Variants in GINS1 observed in about 807,000 individuals in gnomAD.
GINS1 encodes the protein DNA replication complex GINS protein PSF1.
GINS1 carries 26 observed loss-of-function variants against 34.9 expected under a neutral mutation model. The ratio of observed to expected loss-of-function variants is 0.74; its 90% CI spans 0.55 to 1.03. The LOEUF is 1.03. Among genes scored for constraint, GINS1 ranks in the 50% least tolerant of loss-of-function variants. GINS1 has a pLI of 0.00. For synonymous variants in GINS1, 97 were observed against 84.4 expected, an observed-to-expected ratio of 1.15 and a Z score of -0.82; for missense variants, 235 against 237.9, an observed-to-expected ratio of 0.99 and a Z score of 0.08.
Position 25,425,236 on chromosome 20 carries a change from G to T in GINS1, c.356G>T (p.Arg119Ile). 1.3e-6 allele frequency: 2 copies of T among 1,514,312 alleles called. No homozygotes were observed. Among genetic ancestry groups the T allele is most frequent in the Non-Finnish European group, 1.8e-6 (2 of 1,089,988 alleles). The allele number at this position is 1,514,312 out of a possible 1,614,324, so 93.8% of individuals were successfully genotyped here. A position where few individuals can be genotyped will look rare whatever the true frequency, so the allele number is the denominator to read the frequency against. Reference sequence around the variant, plus strand: ...ATGGAGTGGTTTAATAATTATAAAAGATCTCTTGCTACTTATATGAGGTCA... The same window carrying T: ...ATGGAGTGGTTTAATAATTATAAAATATCTCTTGCTACTTATATGAGGTCA... Reference protein sequence around the residue: ...EEMEWFNNYKRSLATYMRSLG... With the variant: ...EEMEWFNNYKISLATYMRSLG... The change falls in exon 5 of 7, where the codon AGA (arginine) becomes ATA (isoleucine). Residue 119 changes from arginine (R) to isoleucine (I), a missense_variant. Arg to Ile is a moderately conservative substitution (Grantham distance 97). Coordinates refer to ENST00000262460, the MANE Select transcript of GINS1 (RefSeq NM_021067.5).
intron 6 of GINS1, among the ~76,000 whole-genome samples, chr20:25,444,956 G>T (rs1313852833): frequency 6.6e-6 from 1 of 152,208 alleles, no homozygotes; most frequent in African/African-American, 2.4e-5. Flanking sequence ...GTTTTATGGA[G>T]AAATGAGCGT....
intron 6 of GINS1, chr20:25,443,238 A>C (rs2090492631): frequency 1.3e-5 from 2 of 152,170 alleles, no homozygotes; most frequent in Admixed American, 6.5e-5. Flanking sequence ...TATTTTTAAA[A>C]AAGATTTTGA....
chr20:25,446,052 T>G lies in GINS1; in HGVS notation c.*61T>G, dbSNP rs1483755288. 1 of 840,284 alleles carries G rather than the reference T, an allele frequency of 1.2e-6. No individual in the cohort carries two copies. Among genetic ancestry groups the G allele is most frequent in the African/African-American group, 2.0e-5 (1 of 50,194 alleles). The allele number at this position is 840,284 out of a possible 1,614,324, so 52.1% of individuals were successfully genotyped here. On this transcript the variant is annotated 3_prime_UTR_variant, in exon 7 of 7. Coordinates refer to ENST00000262460, the MANE Select transcript of GINS1 (RefSeq NM_021067.5). ...CATGGACTCCTCTGTACTCACTCTC[T>G]CCACCACTCCCTTCACCTCCCTCTT... is the stretch of plus-strand genomic sequence containing the variant.
intron 5 of GINS1, among the ~76,000 whole-genome samples, chr20:25,440,507 G>GT (rs1246286019): frequency 6.6e-6 from 1 of 152,106 alleles, no homozygotes; most frequent in Non-Finnish European, 1.5e-5. Flanking sequence ...CAAAATAAAA[G>GT]TTTATTTAGA....
chr20:25,438,547 A>G lies in GINS1; in HGVS notation c.448-3155A>G, dbSNP rs556086534. ...TTTTTTTTTTTTTTTTTGAGGCAGT[A>G]TCTGGGTCTGTTGTTCAGGCTGGAG... On this transcript the variant is annotated intron_variant, in intron 5 of 6. Coordinates refer to ENST00000262460, the MANE Select transcript of GINS1 (RefSeq NM_021067.5). Among the ~76,000 whole-genome samples, 6 of 109,072 alleles carry G rather than the reference A, an allele frequency of 5.5e-5. No individual in the cohort carries two copies. The South Asian group carries it at 1.2e-3, about 22-fold the overall frequency. The allele number at this position is 109,072 out of a possible 152,430, so 71.6% of individuals were successfully genotyped here.
chr20:25,423,657 A>G (rs1240117190), intron 4 of GINS1, among the ~76,000 whole-genome samples: 2 of 134,746 alleles, frequency 1.5e-5, no homozygotes, highest in Non-Finnish European at 3.1e-5. Context: ...TGTTGCCCCC[A>G]GGCTGGAGTG....
chr20:25,439,453 G>T (rs919434316), intron 5 of GINS1, among the ~76,000 whole-genome samples: 1 of 152,066 alleles, frequency 6.6e-6, no homozygotes, highest in African/African-American at 2.4e-5. Context: ...CAGGAGTATT[G>T]CTTGAGACCA....
intron 5 of GINS1, among the ~76,000 whole-genome samples, chr20:25,435,190 G>C (rs994302360): frequency 4.6e-5 from 7 of 152,156 alleles, no homozygotes; most frequent in South Asian, 4.1e-4. Flanking sequence ...TTAGTACTTT[G>C]AATATATTGG....
At position 25,445,880 on chromosome 20, in the gene GINS1, A is replaced by G. The variant is rs760948556; in HGVS notation, c.523-43A>G. 6.8e-6 allele frequency: 8 copies of G among 1,172,062 alleles called. No homozygotes were observed. In the South Asian group the frequency reaches 9.1e-5, roughly 13 times the overall value. The allele number at this position is 1,172,062 out of a possible 1,614,324, so 72.6% of individuals were successfully genotyped here. A position where few individuals can be genotyped will look rare whatever the true frequency, so the allele number is the denominator to read the frequency against. ...AGAAATAATTTCAAATTCTTTCCCAATCATTTATTTTACTCTTTCTCCATC... is the reference window on the plus strand; with the variant it reads ...AGAAATAATTTCAAATTCTTTCCCAGTCATTTATTTTACTCTTTCTCCATC... On this transcript the variant is annotated intron_variant, in intron 6 of 6. Coordinates refer to ENST00000262460, the MANE Select transcript of GINS1 (RefSeq NM_021067.5).
chr20:25,443,684 G>A (rs2090495080), intron 6 of GINS1, among the ~76,000 whole-genome samples: 1 of 151,734 alleles, frequency 6.6e-6, no homozygotes, highest in South Asian at 2.1e-4. Context: ...GTTTCACCAT[G>A]TTGGCCAGGC....
chr20:25,414,519 G>A (rs1057050161), intron 2 of GINS1, among the ~76,000 whole-genome samples: 3 of 152,100 alleles, frequency 2.0e-5, no homozygotes, highest in Non-Finnish European at 4.4e-5. Flanking sequence ...TGGACATATA[G>A]CAGGACTCTG....
intron 5 of GINS1, 21 bp from the exon 6 acceptor site, chr20:25,441,681 A>AG: frequency 7.8e-7 from 1 of 1,284,430 alleles, no homozygotes; most frequent in Non-Finnish European, 1.1e-6. Flanking sequence ...TAGATAAAAC[A>AG]TCTCTCATTT....
chr20:25,428,650 C>T (rs2090407285), intron 5 of GINS1, among the ~76,000 whole-genome samples: 1 of 151,680 alleles, frequency 6.6e-6, no homozygotes, highest in East Asian at 1.9e-4. Flanking sequence ...GTGATCCGCC[C>T]ACCTCGGCCT....
chr20:25,429,987 A>G (rs2090418055), intron 5 of GINS1, among the ~76,000 whole-genome samples: 1 of 152,146 alleles, frequency 6.6e-6, no homozygotes. Context: ...ATCTCAGCTC[A>G]CTTCAACGTC....
At chr20:25,411,610 C>T (rs1175265524) in intron 1 of GINS1, among the ~76,000 whole-genome samples, 1 of 151,816 alleles carries the variant, frequency 6.6e-6, no homozygotes, top group Non-Finnish European at 1.5e-5. Flanking sequence ...AGCAGTGTGG[C>T]CAACATGGCG....
chr20:25,416,786 G>A (rs536797569), intron 2 of GINS1, among the ~76,000 whole-genome samples: 2 of 152,168 alleles, frequency 1.3e-5, no homozygotes, highest in Non-Finnish European at 2.9e-5. Flanking sequence ...TTATCTCAGC[G>A]TGATAATGGA....
In GINS1 at chr20:25,440,810, CAAAAAAAAAAAAAAAA is replaced by C. The variant is rs60014594; in HGVS notation, c.448-885_448-870del. On this transcript the variant is annotated intron_variant, in intron 5 of 6. Transcript: ENST00000262460. ...TGGGCAACAGAGCAAGACTCTGTCT[CAAAAAAAAAAAAAAAA>C]AAAAAAGAAAGAAAAAACAGCAAAT... Among the ~76,000 whole-genome samples the C allele has an allele frequency of 7.2e-5, 5 of 69,096 alleles. No individual in the cohort carries two copies. The Admixed American group carries it at 8.9e-4, about 12-fold the overall frequency. The allele number at this position is 69,096 out of a possible 152,430, so 45.3% of individuals were successfully genotyped here. A position where few individuals can be genotyped will look rare whatever the true frequency, so the allele number is the denominator to read the frequency against.
intron 1 of GINS1, among the ~76,000 whole-genome samples, chr20:25,409,372 G>A (rs577959772): frequency 2.0e-5 from 3 of 152,322 alleles, no homozygotes; most frequent in Non-Finnish European, 4.4e-5. Context: ...GAGGTGTGTG[G>A]TCTGAACTGT....
chr20:25,419,649 A>G, intron 4 of GINS1: 3 of 747,848 alleles, frequency 4.0e-6, no homozygotes, highest in South Asian at 2.0e-5. Flanking sequence ...TTCTCATACA[A>G]TATTTTAGAT....
Sources: allele counts gnomAD v4.1 joint callset (sites outside exome capture counted in the v4.1 genomes callset), GRCh38; gene constraint gnomAD v4.1.1; transcripts MANE v1.5; gene names NCBI Gene and HGNC (gene_info 2026-07-23, HGNC 2026-07-21).